Variants in RABGEF1 observed in about 807,000 individuals in gnomAD.
RABGEF1 encodes rab5 GDP/GTP exchange factor.
Under a neutral mutation model 57.3 loss-of-function variants are expected in RABGEF1, and 26 were observed. That is an observed-to-expected ratio of 0.45 (90% CI 0.33 to 0.63). The LOEUF is 0.63. RABGEF1 is among the 20% of genes least tolerant of loss of function. The pLI is 0.02. For synonymous variants in RABGEF1, 185 were observed against 210.7 expected (o/e 0.88, Z 1.06); for missense variants, 464 against 607.6 (o/e 0.76, Z 2.48).
the RABGEF1 span, among the ~76,000 whole-genome samples, chr7:66,659,233 A>G: frequency 4.6e-5 from 7 of 151,946 alleles, no homozygotes; most frequent in Admixed American, 6.6e-5. Flanking sequence ...TGGGTGGATC[A>G]CAAGGTCAGG....
intron 1 of RABGEF1, among the ~76,000 whole-genome samples, chr7:66,700,484 C>T (rs1387652888): frequency 4.9e-5 from 3 of 60,904 alleles, no homozygotes; most frequent in East Asian, 1.7e-3. Context: ...GCCAAGCGGG[C>T]CCCGGAGGGG....
intron 1 of RABGEF1, among the ~76,000 whole-genome samples, chr7:66,696,076 T>TA (rs565643218): frequency 3.3e-5 from 5 of 151,768 alleles, no homozygotes; most frequent in Non-Finnish European, 7.4e-5. Flanking sequence ...TATATATATA[T>TA]TTTTTTCTTG....
At chr7:66,742,385 C>T (rs1799191161) in intron 1 of RABGEF1, among the ~76,000 whole-genome samples, 1 of 152,114 alleles carries the variant, frequency 6.6e-6, no homozygotes, top group Admixed American at 6.6e-5. Flanking sequence ...AAGGGACAGT[C>T]AAGATACTTT....
intron 1 of RABGEF1, among the ~76,000 whole-genome samples, chr7:66,757,465 A>G (rs927481664): frequency 2.0e-5 from 3 of 152,224 alleles, no homozygotes; most frequent in East Asian, 3.8e-4. Flanking sequence ...AAGCTCCGCA[A>G]TGACTGAAAT....
At chr7:66,720,762 C>A (rs1795955655) in intron 2 of RABGEF1, among the ~76,000 whole-genome samples, 1 of 152,096 alleles carries the variant, frequency 6.6e-6, no homozygotes, top group Admixed American at 6.6e-5. Context: ...TAACACTGTT[C>A]TTATTGCAGA....
intron 2 of RABGEF1, among the ~76,000 whole-genome samples, chr7:66,729,923 GTGGCTCATCATCAGGGCCACC>G (rs532013663): frequency 2.6e-4 from 40 of 152,242 alleles, no homozygotes; most frequent in Admixed American, 3.3e-4. Context: ...GGATCTGTGG[GTGGCTCATCATCAGGGCCACC>G]TGGCTCATGG....
chr7:66,775,689 G>T (rs1280843283), intron 3 of RABGEF1, among the ~76,000 whole-genome samples: 4 of 152,150 alleles, frequency 2.6e-5, no homozygotes, highest in African/African-American at 7.2e-5. Flanking sequence ...GGATGTTTTG[G>T]TTTTTGTGCC....
chr7:66,795,736 T>G, intron 5 of RABGEF1, 144 bp downstream of exon 5: 1 of 757,166 alleles, frequency 1.3e-6, no homozygotes, highest in Non-Finnish European at 2.3e-6. Flanking sequence ...GAACTGGTCT[T>G]ATACTTAGCA....
chr7:66,732,140 G>A (rs1585004745), intron 2 of RABGEF1, among the ~76,000 whole-genome samples: 1 of 152,332 alleles, frequency 6.6e-6, no homozygotes, highest in East Asian at 1.9e-4. Context: ...CCAGGCCACC[G>A]CCCTCTCTTC....
upstream of RABGEF1, among the ~76,000 whole-genome samples, chr7:66,681,266 T>C (rs1789705070): frequency 6.6e-6 from 1 of 152,214 alleles, no homozygotes; most frequent in Non-Finnish European, 1.5e-5. Context: ...AATCAGCATG[T>C]AGCTACTGTT....
In RABGEF1 at chr7:66,721,508, T is replaced by C. The variant is rs535302251; in HGVS notation, c.-815+9284T>C. Among the ~76,000 whole-genome samples, 21 of 152,310 alleles carry C rather than the reference T, an allele frequency of 1.4e-4. 1 individual carries two copies. In the South Asian group the frequency reaches 4.3e-3, roughly 32 times the overall value. On this transcript the variant is annotated intron_variant and NMD_transcript_variant, in intron 2 of 9. Coordinates refer to the RABGEF1 transcript ENST00000607882. Reference sequence around the variant, plus strand: ...CATGGCCTCTTCCTCCATCATTAAATGCAACAGTGCAGCATCATCAAATTC... The same window carrying C: ...CATGGCCTCTTCCTCCATCATTAAACGCAACAGTGCAGCATCATCAAATTC...
rs1449881885 is a variant in RABGEF1 at position 66,766,978 on chromosome 7, C to A, written c.-17-4905C>A. 4.7e-5 allele frequency among the ~76,000 whole-genome samples: 7 copies of A among 149,800 alleles called. No individual in the cohort carries two copies. In the South Asian group the frequency reaches 1.1e-3, roughly 23 times the overall value. ...GTTCTGTACTTCTCCCTAATCCAACCTGGAAATTGCCTGTCAAGTTTCTTT... is the reference window on the plus strand; with the variant it reads ...GTTCTGTACTTCTCCCTAATCCAACATGGAAATTGCCTGTCAAGTTTCTTT... On this transcript the variant is annotated intron_variant, in intron 1 of 8. Coordinates refer to ENST00000284957, the MANE Select transcript of RABGEF1 (RefSeq NM_014504.3).
chr7:66,707,050 G>T (rs1014585946), intron 1 of RABGEF1, among the ~76,000 whole-genome samples: 4 of 152,096 alleles, frequency 2.6e-5, no homozygotes, highest in Admixed American at 6.6e-5. Context: ...CTCCCAAAGT[G>T]CTGGGATTAT....
chr7:66,719,501 AT>A (rs956412233), intron 2 of RABGEF1, among the ~76,000 whole-genome samples: 7 of 152,048 alleles, frequency 4.6e-5, no homozygotes, highest in African/African-American at 1.7e-4. Flanking sequence ...CCTGGCCAAA[AT>A]TTTTTTTATG....
chr7:66,722,193 G>C (rs937199969), intron 2 of RABGEF1, among the ~76,000 whole-genome samples: 12 of 152,108 alleles, frequency 7.9e-5, no homozygotes, highest in African/African-American at 2.4e-4. Flanking sequence ...TGTAATCCCA[G>C]CACTCTGGGG....
At chr7:66,762,109 G>A (rs1025154106) in intron 1 of RABGEF1, among the ~76,000 whole-genome samples, 7 of 151,850 alleles carry the variant, frequency 4.6e-5, no homozygotes, top group African/African-American at 1.7e-4. Flanking sequence ...GAGGGCTATG[G>A]TAGTTACCAG....
intron 1 of RABGEF1, among the ~76,000 whole-genome samples, chr7:66,684,082 G>A (rs1047074412): frequency 1.6e-4 from 24 of 152,168 alleles, no homozygotes; most frequent in African/African-American, 5.5e-4. Flanking sequence ...AGAGATACAG[G>A]AGCTTAGGCT....
upstream of RABGEF1, among the ~76,000 whole-genome samples, chr7:66,679,744 G>T (rs1789559762): frequency 6.6e-6 from 1 of 152,128 alleles, no homozygotes; most frequent in Admixed American, 6.6e-5. Context: ...AACGCTCATT[G>T]TGGGGCCAGG....
chr7:66,715,868 C>G (rs1464542583), intron 2 of RABGEF1, among the ~76,000 whole-genome samples: 1 of 152,086 alleles, frequency 6.6e-6, no homozygotes, highest in Non-Finnish European at 1.5e-5. Context: ...CTCCTTGTGC[C>G]TCCGCCTCCT....
Sources: allele counts gnomAD v4.1 joint callset (sites outside exome capture counted in the v4.1 genomes callset), GRCh38; gene constraint gnomAD v4.1.1; transcripts MANE v1.5; gene names NCBI Gene and HGNC (gene_info 2026-07-23, HGNC 2026-07-21).